The following PAK1 variants were observed in gnomAD, a reference collection of about 807,000 sequenced individuals.
PAK1 encodes p21 (RAC1) activated kinase 1.
In PAK1, 29 loss-of-function variants were observed where a neutral mutation model predicts 67.4. The observed-to-expected ratio is 0.43, with a 90% CI of 0.32 to 0.59. The LOEUF (loss-of-function observed/expected upper bound fraction) is 0.59. Ranked by LOEUF, PAK1 falls within the 20% of genes least tolerant of loss-of-function variation. The pLI, the probability that PAK1 is intolerant of heterozygous loss-of-function variation, is 0.07. For synonymous variants in PAK1, 223 were observed against 237.4 expected (o/e 0.94, Z 0.56); for missense variants, 337 against 670.7 (o/e 0.50, Z 5.50).
intron 1 of PAK1, among the ~76,000 whole-genome samples, chr11:77,466,645 C>T (rs1957611905): frequency 6.6e-6 from 1 of 152,086 alleles, no homozygotes; most frequent in Non-Finnish European, 1.5e-5. Flanking sequence ...GATGTCTCTG[C>T]TCCTAAATTT....
intron 8 of PAK1, among the ~76,000 whole-genome samples, chr11:77,352,681 C>CT (rs994750259): frequency 4.3e-4 from 66 of 152,072 alleles, no homozygotes; most frequent in African/African-American, 1.1e-3. Context: ...ATAAATATAC[C>CT]TTTTTTTTAT....
intron 1 of PAK1, among the ~76,000 whole-genome samples, chr11:77,434,445 CTT>C (rs564339500): frequency 1.4e-5 from 2 of 145,332 alleles, no homozygotes; most frequent in Non-Finnish European, 1.5e-5. Flanking sequence ...TATTCTTTTT[CTT>C]TTTTTTTTTG....
intron 1 of PAK1, among the ~76,000 whole-genome samples, chr11:77,424,103 C>CAGAA (rs970781738): frequency 7.9e-5 from 12 of 152,220 alleles, no homozygotes; most frequent in African/African-American, 2.9e-4. Context: ...ACTGCAGCTA[C>CAGAA]TTCTCATCAT....
At chr11:77,471,289 G>C (rs150196977) in intron 1 of PAK1, among the ~76,000 whole-genome samples, 2 of 152,174 alleles carry the variant, frequency 1.3e-5, no homozygotes, top group African/African-American at 4.8e-5. Flanking sequence ...TTTATTAAGA[G>C]CAGATCTTTT....
chr11:77,411,357 TCCC>T (rs1170374381), intron 1 of PAK1, among the ~76,000 whole-genome samples: 1 of 151,650 alleles, frequency 6.6e-6, no homozygotes, highest in East Asian at 1.9e-4. Flanking sequence ...ATAGGACCAG[TCCC>T]CCCAGGTCTC....
Position 77,364,629 on chromosome 11 carries a change from T to C in PAK1, c.478-5612A>G, listed in dbSNP as rs563586232. The stretch of plus-strand genomic sequence containing the variant: ...ATTGGTACAGAATATTATCTAAATA[T>C]TGAATTTTCAACAAGAAATTATAAG... On this transcript the variant is annotated intron_variant, in intron 5 of 14. Coordinates refer to ENST00000356341, the MANE Select transcript of PAK1 (RefSeq NM_002576.5). Among the ~76,000 whole-genome samples the C allele has an allele frequency of 2.6e-5, 4 of 152,162 alleles. No homozygotes were observed. In the South Asian group the frequency reaches 6.2e-4, roughly 24 times the overall value.
the PAK1 span, among the ~76,000 whole-genome samples, chr11:77,525,789 G>A: frequency 3.3e-5 from 5 of 152,240 alleles, no homozygotes; most frequent in Non-Finnish European, 7.3e-5. Context: ...AAGTAAGGCA[G>A]AATTGGATTC....
At chr11:77,526,488 A>G in the PAK1 span, among the ~76,000 whole-genome samples, 1 of 152,240 alleles carries the variant, frequency 6.6e-6, no homozygotes, top group Non-Finnish European at 1.5e-5. Context: ...GTAGAATCAT[A>G]TGAAATGACA....
intron 2 of PAK1, among the ~76,000 whole-genome samples, chr11:77,380,433 C>A (rs2137108063): frequency 1.3e-5 from 2 of 152,256 alleles, no homozygotes; most frequent in Non-Finnish European, 2.9e-5. Context: ...GTAGAGGTTG[C>A]AGTGAGCTGA....
intron 9 of PAK1, among the ~76,000 whole-genome samples, chr11:77,348,519 T>C (rs1186879793): frequency 1.3e-5 from 2 of 152,168 alleles, no homozygotes; most frequent in Non-Finnish European, 2.9e-5. Flanking sequence ...GTAGCACCAG[T>C]AGATTAGGAG....
chr11:77,395,023 C>T (rs147682275), intron 1 of PAK1, among the ~76,000 whole-genome samples: 1,884 of 152,314 alleles, frequency 0.012, 16 homozygotes, highest in Non-Finnish European at 0.017. Flanking sequence ...TCTCCAACTT[C>T]TTCAAATATC....
intron 1 of PAK1, among the ~76,000 whole-genome samples, chr11:77,465,528 AT>A (rs942524923): frequency 7.9e-5 from 12 of 151,272 alleles, no homozygotes; most frequent in East Asian, 1.9e-4. Context: ...CTGGTTCTTT[AT>A]TTTTTTTTAA....
intron 1 of PAK1, among the ~76,000 whole-genome samples, chr11:77,437,824 A>G (rs1239748506): frequency 1.3e-5 from 2 of 152,224 alleles, no homozygotes; most frequent in Non-Finnish European, 2.9e-5. Flanking sequence ...AGACTTTATT[A>G]GATAGGTATA....
At chr11:77,396,786 T>C (rs1310101717) in intron 1 of PAK1, among the ~76,000 whole-genome samples, 1 of 152,156 alleles carries the variant, frequency 6.6e-6, no homozygotes, top group African/African-American at 2.4e-5. Context: ...TGAACTTGCT[T>C]AAGGTTTCTA....
At chr11:77,445,282 C>T (rs992821668) in intron 1 of PAK1, among the ~76,000 whole-genome samples, 1 of 152,172 alleles carries the variant, frequency 6.6e-6, no homozygotes, top group Non-Finnish European at 1.5e-5. Flanking sequence ...TTGATTTCAA[C>T]CTTCTGGCCT....
chr11:77,494,457 G>A, the PAK1 span, among the ~76,000 whole-genome samples: 2 of 152,002 alleles, frequency 1.3e-5, no homozygotes, highest in African/African-American at 4.8e-5. Flanking sequence ...CGAACTCCTG[G>A]GCTCAAGCAA....
intron 5 of PAK1, among the ~76,000 whole-genome samples, chr11:77,367,658 T>TA (rs1263014484): frequency 1.3e-5 from 2 of 152,148 alleles, no homozygotes; most frequent in African/African-American, 4.8e-5. Context: ...GAAAATCCTT[T>TA]AAAAAATGGA....
At chr11:77,482,336 C>T in the PAK1 span, among the ~76,000 whole-genome samples, 3 of 152,062 alleles carry the variant, frequency 2.0e-5, no homozygotes, top group East Asian at 1.9e-4. Flanking sequence ...GGATTGATAA[C>T]GTTTTCTTGG....
chr11:77,488,362 T>A, the PAK1 span, among the ~76,000 whole-genome samples: 1 of 152,202 alleles, frequency 6.6e-6, no homozygotes, highest in Non-Finnish European at 1.5e-5. Context: ...CAATAAATGC[T>A]TAATTCTTCA....
Sources: allele counts gnomAD v4.1 joint callset (sites outside exome capture counted in the v4.1 genomes callset), GRCh38; gene constraint gnomAD v4.1.1; transcripts MANE v1.5; gene names NCBI Gene and HGNC (gene_info 2026-07-23, HGNC 2026-07-21).